The following LMTK2 variants were observed in gnomAD, a reference collection of about 807,000 sequenced individuals.
LMTK2 encodes the protein lemur tail kinase 2.
A neutral mutation model predicts 127.5 loss-of-function variants in LMTK2; 37 were observed. The observed-to-expected ratio is 0.29, with a 90% CI of 0.22 to 0.38. LMTK2 has a LOEUF of 0.38. Among genes scored for constraint, LMTK2 ranks in the 10% least tolerant of loss-of-function variants. The probability of loss-of-function intolerance (pLI) is 1.00; values close to 1 mark genes in which losing one functional copy is unlikely to be tolerated. For synonymous variants in LMTK2, 819 were observed against 810.1 expected (o/e 1.01, Z -0.19); for missense variants, 1,694 against 1,920.3 (o/e 0.88, Z 2.20).
At chr7:98,187,320 T>C (rs1233645086) in intron 9 of LMTK2, among the ~76,000 whole-genome samples, 1 of 152,182 alleles carries the variant, frequency 6.6e-6, no homozygotes, top group Non-Finnish European at 1.5e-5. Flanking sequence ...AAGAAGAAAC[T>C]GAAAGGGGTG....
chr7:98,190,762 A>C lies in LMTK2; in HGVS notation c.1033A>C (p.Asn345His), dbSNP rs199961986. Residue 345 changes from asparagine (N) to histidine (H), a missense_variant, in exon 10 of 14, where the codon AAT (asparagine) becomes CAT (histidine). Coordinates refer to ENST00000297293, the MANE Select transcript of LMTK2 (RefSeq NM_014916.4). ...TGTGACACTTTGGGAGCTTTTTGAC[A>C]ATGCCGCACAGCCGTATTCAAACCT... ...LGVTLWELFD[N>H]AAQPYSNLSN... The C allele has an allele frequency of 3.4e-5, 55 of 1,614,036 alleles. No individual in the cohort carries two copies. Among genetic ancestry groups the C allele is most frequent in the Admixed American group, 5.0e-5 (3 of 59,996 alleles).
At chr7:98,139,208 C>G (rs1247554092) in intron 2 of LMTK2, among the ~76,000 whole-genome samples, 2 of 152,162 alleles carry the variant, frequency 1.3e-5, no homozygotes, top group Non-Finnish European at 2.9e-5. Context: ...ACCTCCCAGG[C>G]TCAAGCAATC....
chr7:98,186,157 G>A (rs1350499428), intron 8 of LMTK2, among the ~76,000 whole-genome samples: 1 of 151,510 alleles, frequency 6.6e-6, no homozygotes, highest in Non-Finnish European at 1.5e-5. Flanking sequence ...TCCGCCTCCC[G>A]GGTTCAAGCG....
In LMTK2 at chr7:98,143,721, G is replaced by A. The variant is rs142780279; in HGVS notation, c.376+2180G>A. ...GATGTTCTTTCTGGAGGGGTAGTCG[G>A]GCAACATGTATCAAAATATGAGACA... On this transcript the variant is annotated intron_variant, in intron 3 of 13. Transcript: ENST00000297293. Among the ~76,000 whole-genome samples the A allele has an allele frequency of 3.4e-4, 52 of 152,194 alleles. 1 individual carries two copies. Among genetic ancestry groups the A allele is most frequent in the African/African-American group, 1.2e-3 (49 of 41,526 alleles).
chr7:98,190,955 C>T (rs1797513836), intron 10 of LMTK2, 78 bp downstream of exon 10: 2 of 1,360,092 alleles, frequency 1.5e-6, no homozygotes, highest in Non-Finnish European at 2.1e-6. Flanking sequence ...AATTCGTGGG[C>T]CAAATATTAT....
chr7:98,190,740 G>A lies in LMTK2; in HGVS notation c.1011G>A (p.Val337=). The part of the protein sequence containing the change: ...TKYSNIWSLG[V]TLWELFDNAA... The stretch of plus-strand genomic sequence containing the variant: ...CTTTTTCCAACAGGTCTCTGGGTGT[G>A]ACACTTTGGGAGCTTTTTGACAATG... The change falls in exon 10 of 14, where the codon GTG becomes GTA. Residue 337 remains valine (V), a synonymous_variant. Coordinates refer to ENST00000297293, the MANE Select transcript of LMTK2 (RefSeq NM_014916.4). 6.2e-7 allele frequency: 1 copy of A among 1,614,158 alleles called. No individual in the cohort carries two copies. Among genetic ancestry groups the A allele is most frequent in the Non-Finnish European group, 8.5e-7 (1 of 1,180,040 alleles).
chr7:98,193,588 G>A lies in LMTK2; in HGVS notation c.3123G>A (p.Glu1041=), dbSNP rs761242291. 1.9e-6 allele frequency: 3 copies of A among 1,614,110 alleles called. No individual in the cohort carries two copies. Among genetic ancestry groups the A allele is most frequent in the Non-Finnish European group, 2.5e-6 (3 of 1,180,046 alleles). The change falls in exon 11 of 14, where the codon GAG becomes GAA. Residue 1041 remains glutamate, a synonymous_variant. Coordinates refer to ENST00000297293, the MANE Select transcript of LMTK2 (RefSeq NM_014916.4). The surrounding 1 kb of genome is among the most constrained non-coding windows in gnomAD (Gnocchi z 4.1). Reference sequence around the variant, plus strand: ...AAACAGAGAACTTGGAGTCTCCCGAGTGGACCTTGCATCCCGCTCCCGAGG... The same window carrying A: ...AAACAGAGAACTTGGAGTCTCCCGAATGGACCTTGCATCCCGCTCCCGAGG... ...GYETENLESP[E]WTLHPAPEGT...
rs1359987933 is a variant in LMTK2 at position 98,203,721 on chromosome 7, T to C, written c.4240+15T>C. 3.7e-6 allele frequency: 6 copies of C among 1,611,950 alleles called. No individual in the cohort carries two copies. Among genetic ancestry groups the C allele is most frequent in the Non-Finnish European group, 5.1e-6 (6 of 1,179,566 alleles). On this transcript the variant is annotated intron_variant, in intron 12 of 13. Coordinates refer to ENST00000297293, the MANE Select transcript of LMTK2 (RefSeq NM_014916.4). ...CGACGAAGAAGGTATTTCACGTCAT[T>C]GTCTAGTTTTAAAGGAAACTGAAAA... is the stretch of plus-strand genomic sequence containing the variant.
At chr7:98,158,920 T>G (rs1417288156) in intron 5 of LMTK2, among the ~76,000 whole-genome samples, 1 of 152,122 alleles carries the variant, frequency 6.6e-6, no homozygotes, top group Non-Finnish European at 1.5e-5. Context: ...AGGCCAGGCA[T>G]GGTGGCACGT....
Position 98,154,779 on chromosome 7 carries a change from A to G in LMTK2, c.472A>G (p.Thr158Ala). 6.2e-7 allele frequency: 1 copy of G among 1,612,108 alleles called. No individual in the cohort carries two copies. Among genetic ancestry groups the G allele is most frequent in the Non-Finnish European group, 8.5e-7 (1 of 1,178,276 alleles). Residue 158 changes from threonine to alanine, a missense_variant, in exon 5 of 14, where the codon ACG becomes GCG. Physicochemically the swap from Thr to Ala is moderately conservative, Grantham distance 58. This residue lies in a region of LMTK2 where 203 missense variants were observed against 226.2 expected (regional missense o/e 0.90). Transcript: ENST00000297293. ...TTAGGTTCTCTTGGGAGAGATTTACACGGGCACTAGCGTAGCAAGAGTCAT... is the reference window on the plus strand; with the variant it reads ...TTAGGTTCTCTTGGGAGAGATTTACGCGGGCACTAGCGTAGCAAGAGTCAT... Reference protein sequence around the residue: ...FGKVLLGEIYTGTSVARVIVK... With the variant: ...FGKVLLGEIYAGTSVARVIVK...
At chr7:98,169,563 G>T (rs1339552160) in intron 6 of LMTK2, among the ~76,000 whole-genome samples, 1 of 152,180 alleles carries the variant, frequency 6.6e-6, no homozygotes, top group Non-Finnish European at 1.5e-5. Context: ...GGGTATTGGT[G>T]GCGGAGGGGT....
At chr7:98,199,799 TG>T (rs1436994756) in intron 11 of LMTK2, among the ~76,000 whole-genome samples, 1 of 152,240 alleles carries the variant, frequency 6.6e-6, no homozygotes, top group African/African-American at 2.4e-5. Context: ...CTGGCCACGT[TG>T]TTTTGGTTAA....
intron 4 of LMTK2, among the ~76,000 whole-genome samples, chr7:98,152,819 G>A (rs904681625): frequency 1.3e-5 from 2 of 152,218 alleles, no homozygotes; most frequent in African/African-American, 4.8e-5. Context: ...AAAGCAGGGA[G>A]GAGATGGGCT....
At chr7:98,116,343 A>G (rs1422029238) in intron 1 of LMTK2, among the ~76,000 whole-genome samples, 1 of 152,098 alleles carries the variant, frequency 6.6e-6, no homozygotes, top group East Asian at 1.9e-4. Context: ...GATGATGAAG[A>G]TGATACTAGA....
chr7:98,206,838 T>TGGACAAG lies in LMTK2; in HGVS notation c.*1351_*1357dup, dbSNP rs890584043. ...CACATCCTGCAGCTGTGAAGGGGGATGGACAAGGGACGACGGCCGACGGCA... is the reference window on the plus strand; with the variant it reads ...CACATCCTGCAGCTGTGAAGGGGGATGGACAAGGGACAAGGGACGACGGCCGACGGCA... On this transcript the variant is annotated 3_prime_UTR_variant, in exon 14 of 14. Transcript: ENST00000297293. 1.8e-4 allele frequency: 28 copies of TGGACAAG among 152,246 alleles called. No individual in the cohort carries two copies. Among genetic ancestry groups the TGGACAAG allele is most frequent in the African/African-American group, 6.0e-4 (25 of 41,506 alleles). 9.4% of individuals were successfully genotyped at this position (152,246 alleles called of 1,614,324 possible). A position where few individuals can be genotyped will look rare whatever the true frequency, so the allele number is the denominator to read the frequency against.
chr7:98,168,472 C>A (rs763980278), intron 6 of LMTK2, among the ~76,000 whole-genome samples: 8 of 152,164 alleles, frequency 5.3e-5, no homozygotes, highest in Non-Finnish European at 1.2e-4. Context: ...GGGGGTGTTG[C>A]GCTGTCTATA....
chr7:98,165,289 C>T (rs191914170), intron 6 of LMTK2, among the ~76,000 whole-genome samples: 48 of 152,262 alleles, frequency 3.2e-4, no homozygotes, highest in Non-Finnish European at 6.2e-4. Flanking sequence ...GTCTTGACAA[C>T]GCTGTGAGAC....
intron 2 of LMTK2, among the ~76,000 whole-genome samples, chr7:98,140,176 CTTTTCTTTCTTCTTTCT>C (rs1796670544): frequency 9.3e-5 from 1 of 10,802 alleles, no homozygotes; most frequent in Non-Finnish European, 2.2e-4. Context: ...TCTTTTCTTT[CTTTTCTTTCTTCTTTCT>C]GTCTTTGAGA....
chr7:98,179,284 G>A (rs1797317498), intron 7 of LMTK2, among the ~76,000 whole-genome samples: 1 of 152,246 alleles, frequency 6.6e-6, no homozygotes, highest in South Asian at 2.1e-4. Context: ...AAATGCCTGA[G>A]CTCGACATCG....
Sources: allele counts gnomAD v4.1 joint callset (sites outside exome capture counted in the v4.1 genomes callset), GRCh38; gene constraint gnomAD v4.1.1; regional missense constraint gnomAD v4.1.1; non-coding constraint Gnocchi (gnomAD v3.1); transcripts MANE v1.5; gene names NCBI Gene and HGNC (gene_info 2026-07-23, HGNC 2026-07-21).